The following SYT14 variants were observed in gnomAD, a reference collection of about 807,000 sequenced individuals.
SYT14 encodes synaptotagmin 14, also known as synaptotagmin-14.
A neutral mutation model predicts 74.2 loss-of-function variants in SYT14; 32 were observed. The ratio of observed to expected loss-of-function variants is 0.43; its 90% CI spans 0.33 to 0.58. The LOEUF (loss-of-function observed/expected upper bound fraction) is 0.58, where lower values mean the gene tolerates loss of function less well. Among genes scored for constraint, SYT14 ranks in the 20% least tolerant of loss-of-function variants. SYT14 has a pLI of 0.05. For synonymous variants in SYT14, 298 were observed against 337.7 expected, an observed-to-expected ratio of 0.88 and a Z score of 1.29; for missense variants, 791 against 981.8, an observed-to-expected ratio of 0.81 and a Z score of 2.60.
At position 209,969,067 on chromosome 1, in the gene SYT14, G is replaced by A. The variant is rs1205325561; in HGVS notation, c.-486+16311G>A. Among the ~76,000 whole-genome samples, 6 of 152,106 alleles carry A rather than the reference G, an allele frequency of 3.9e-5. No homozygotes were observed. The East Asian group carries it at 9.6e-4, about 24-fold the overall frequency. ...CTAGCTGCATCCATGTTGCTGTAGA[G>A]GACGTGATTTCATTATTTTTTATGG... On this transcript the variant is annotated intron_variant, in intron 2 of 9. Coordinates refer to ENST00000637265, the Ensembl canonical transcript of SYT14.
intron 5 of SYT14, among the ~76,000 whole-genome samples, chr1:210,049,065 G>A (rs1032637561): frequency 6.6e-6 from 1 of 152,234 alleles, no homozygotes; most frequent in Non-Finnish European, 1.5e-5. Context: ...CTCCGCCCCT[G>A]TGGCTCTGCA....
chr1:209,960,383 G>C (rs1412679455), intron 2 of SYT14, among the ~76,000 whole-genome samples: 1 of 152,034 alleles, frequency 6.6e-6, no homozygotes, highest in African/African-American at 2.4e-5. Flanking sequence ...ATAAATATAT[G>C]CCTTTTTTTA....
intron 5 of SYT14, among the ~76,000 whole-genome samples, chr1:210,059,451 T>TAGAGAGAGAGAGAGAGAGAG (rs1553272603): frequency 7.2e-5 from 5 of 69,902 alleles, no homozygotes; most frequent in African/African-American, 2.4e-4. Flanking sequence ...TATATATATA[T>TAGAGAGAGAGAGAGAGAGAG]AGAGAGAGAG....
intron 2 of SYT14, among the ~76,000 whole-genome samples, chr1:209,993,847 C>T (rs2079737858): frequency 6.6e-6 from 1 of 152,172 alleles, no homozygotes; most frequent in Non-Finnish European, 1.5e-5. Flanking sequence ...ATTAGCCTAG[C>T]TACTGGCCAT....
At chr1:210,170,944 CAAATT>C (rs2083519284) in exon 10 of SYT14, 1 of 152,104 alleles carries the variant, frequency 6.6e-6, no homozygotes, top group Non-Finnish European at 1.5e-5. Flanking sequence ...ATATAAATCA[CAAATT>C]AAACTAAATA....
At chr1:210,115,220 G>T (rs1387119089) in intron 7 of SYT14, among the ~76,000 whole-genome samples, 1 of 151,412 alleles carries the variant, frequency 6.6e-6, no homozygotes, top group South Asian at 2.1e-4. Context: ...TTTAGGTCAG[G>T]TGTGAGTTGA....
At chr1:210,040,565 A>G (rs1183699138) in intron 5 of SYT14, among the ~76,000 whole-genome samples, 2 of 152,128 alleles carry the variant, frequency 1.3e-5, no homozygotes, top group African/African-American at 4.8e-5. Context: ...AGATGTTTAT[A>G]CATTGTTCAT....
intron 5 of SYT14, among the ~76,000 whole-genome samples, chr1:210,080,935 G>T (rs2081604667): frequency 6.6e-6 from 1 of 152,114 alleles, no homozygotes; most frequent in South Asian, 2.1e-4. Flanking sequence ...CTTCAAAGAG[G>T]TAACAACTAA....
intron 5 of SYT14, among the ~76,000 whole-genome samples, chr1:210,081,268 A>C (rs886881277): frequency 6.6e-6 from 1 of 152,206 alleles, no homozygotes; most frequent in African/African-American, 2.4e-5. Context: ...CTATAATACT[A>C]TATGATATGA....
exon 10 of SYT14, chr1:210,167,552 A>C (rs895496672): frequency 6.6e-6 from 1 of 152,212 alleles, no homozygotes; most frequent in East Asian, 1.9e-4. Context: ...CACATTTTAC[A>C]TTTTGAAGTT....
chr1:210,052,465 C>T (rs995099115), intron 5 of SYT14, among the ~76,000 whole-genome samples: 3 of 151,934 alleles, frequency 2.0e-5, no homozygotes, highest in African/African-American at 7.3e-5. Context: ...GAGTTTGAGA[C>T]AAGCCTGGCC....
chr1:210,102,448 T>C (rs546370719), intron 7 of SYT14, among the ~76,000 whole-genome samples: 108 of 152,310 alleles, frequency 7.1e-4, no homozygotes, highest in African/African-American at 2.6e-3. Flanking sequence ...TTGGTTGCTT[T>C]TGGCTTCTGT....
At chr1:209,978,639 C>T (rs751572285) in intron 2 of SYT14, among the ~76,000 whole-genome samples, 4 of 152,200 alleles carry the variant, frequency 2.6e-5, no homozygotes, top group Non-Finnish European at 5.9e-5. Flanking sequence ...CCCAGTAAGG[C>T]TACCCAGGGG....
chr1:209,946,534 C>G (rs957816453), intron 1 of SYT14, among the ~76,000 whole-genome samples: 1 of 152,246 alleles, frequency 6.6e-6, no homozygotes, highest in Non-Finnish European at 1.5e-5. Flanking sequence ...GTCCCTCACT[C>G]TCTTCAATTC....
At chr1:209,989,449 G>A (rs954087109) in intron 2 of SYT14, among the ~76,000 whole-genome samples, 6 of 152,152 alleles carry the variant, frequency 3.9e-5, no homozygotes, top group Non-Finnish European at 8.8e-5. Context: ...TAGAGAATTA[G>A]TTTTATCTTA....
chr1:210,105,945 C>T (rs962730744), intron 7 of SYT14, among the ~76,000 whole-genome samples: 3 of 152,208 alleles, frequency 2.0e-5, no homozygotes, highest in Non-Finnish European at 2.9e-5. Flanking sequence ...TCCCCAGAAG[C>T]TGAGCAGATT....
In SYT14 at chr1:209,968,907, A is replaced by G. The variant is rs145776283; in HGVS notation, c.-486+16151A>G. ...CCATTGCCTCCCTTTCTTCCTCCCC[A>G]CTCTTATAGTCCCCAGTGTCTTTTG... On this transcript the variant is annotated intron_variant, in intron 2 of 9. Coordinates refer to ENST00000637265, the Ensembl canonical transcript of SYT14. Among the ~76,000 whole-genome samples, 554 of 151,142 alleles carry G rather than the reference A, an allele frequency of 3.7e-3. 3 individuals are homozygous for G. Among genetic ancestry groups the G allele is most frequent in the Middle Eastern group, 0.034 (10 of 294 alleles).
intron 2 of SYT14, among the ~76,000 whole-genome samples, chr1:209,995,768 A>T (rs1245190959): frequency 5.9e-5 from 9 of 152,176 alleles, no homozygotes; most frequent in African/African-American, 2.2e-4. Flanking sequence ...AAAAAACTCA[A>T]ATCATACCAG....
intron 7 of SYT14, among the ~76,000 whole-genome samples, chr1:210,107,719 G>T (rs375715251): frequency 3.3e-4 from 50 of 152,120 alleles, no homozygotes; most frequent in Middle Eastern, 6.8e-3. Flanking sequence ...TTAAATTTAT[G>T]TAAGGTAAAA....
Sources: allele counts gnomAD v4.1 joint callset (sites outside exome capture counted in the v4.1 genomes callset), GRCh38; gene constraint gnomAD v4.1.1; transcripts MANE v1.5; gene names NCBI Gene and HGNC (gene_info 2026-07-23, HGNC 2026-07-21).